Variants in C10orf88 observed in about 807,000 individuals in gnomAD.
C10orf88 encodes the protein chromosome 10 open reading frame 88, also known as ATPase PAAT.
Under a neutral mutation model 34.2 loss-of-function variants are expected in C10orf88, and 29 were observed. That is an observed-to-expected ratio of 0.85 (90% CI 0.63 to 1.16). The LOEUF (loss-of-function observed/expected upper bound fraction) is 1.16. C10orf88 is among the 50% of genes most tolerant of loss of function. The pLI is 0.00. For missense variants in C10orf88, 507 were observed against 533.2 expected, an observed-to-expected ratio of 0.95 and a Z score of 0.48; for synonymous variants, 194 against 197.4, an observed-to-expected ratio of 0.98 and a Z score of 0.15.
intron 3 of C10orf88, among the ~76,000 whole-genome samples, chr10:122,950,764 C>G (rs955815189): frequency 6.6e-6 from 1 of 152,164 alleles, no homozygotes; most frequent in African/African-American, 2.4e-5. Context: ...TAGTACCTGA[C>G]ATTAAGAGGC....
chr10:122,948,765 G>A lies in C10orf88; in HGVS notation c.532C>T (p.Pro178Ser), dbSNP rs1848663465. ...SVFANSSTSS[P>S]ALGSRIDLDK... ...AGGTCTATCCTTGATCCTAGAGCAGGAGAGCTTGTTGAAGAATTTGCAAAA... is the reference window on the plus strand; with the variant it reads ...AGGTCTATCCTTGATCCTAGAGCAGAAGAGCTTGTTGAAGAATTTGCAAAA... The change falls in exon 4 of 6, where the codon CCT (proline) becomes TCT (serine). Residue 178 changes from proline (P) to serine (S), a missense_variant. Coordinates refer to ENST00000481909, the MANE Select transcript of C10orf88 (RefSeq NM_024942.4). 6.2e-7 allele frequency: 1 copy of A among 1,613,944 alleles called. No homozygotes were observed. Among genetic ancestry groups the A allele is most frequent in the African/African-American group, 1.3e-5 (1 of 75,030 alleles).
chr10:122,948,925 T>C lies in C10orf88; in HGVS notation c.442-70A>G, dbSNP rs1279488833. ...ATAATCATTTAATGTAACTTCTTGG[T>C]ATGACCTAAACAAGAGTGAAGTATT... On this transcript the variant is annotated intron_variant, in intron 3 of 5. Coordinates refer to ENST00000481909, the MANE Select transcript of C10orf88 (RefSeq NM_024942.4). 1.5e-5 allele frequency: 21 copies of C among 1,368,832 alleles called. No homozygotes were observed. The East Asian group carries it at 2.6e-4, about 17-fold the overall frequency. The allele number at this position is 1,368,832 out of a possible 1,614,324, so 84.8% of individuals were successfully genotyped here. A position where few individuals can be genotyped will look rare whatever the true frequency, so the allele number is the denominator to read the frequency against.
intron 4 of C10orf88, among the ~76,000 whole-genome samples, chr10:122,938,452 A>C (rs540793534): frequency 6.6e-6 from 1 of 152,158 alleles, no homozygotes; most frequent in African/African-American, 2.4e-5. Context: ...AAATTAAATA[A>C]ATACTAGCAT....
chr10:122,941,106 T>C (rs1225489412), intron 4 of C10orf88, among the ~76,000 whole-genome samples: 1 of 152,102 alleles, frequency 6.6e-6, no homozygotes, highest in Non-Finnish European at 1.5e-5. Context: ...ATAAAGTCAT[T>C]TTTATTTTGA....
chr10:122,951,488 T>C (rs1011708734), intron 3 of C10orf88, among the ~76,000 whole-genome samples: 2 of 151,974 alleles, frequency 1.3e-5, no homozygotes, highest in African/African-American at 4.8e-5. Flanking sequence ...ATTATAAACA[T>C]GTACCACTGC....
At chr10:122,938,199 C>T (rs1440491524) in intron 4 of C10orf88, 40 bp from the exon 5 acceptor site, 2 of 1,467,684 alleles carry the variant, frequency 1.4e-6, no homozygotes, top group East Asian at 4.5e-5. Flanking sequence ...ATTAATAACA[C>T]TGACAGCTAA....
chr10:122,945,163 T>C (rs1307914825), intron 4 of C10orf88, among the ~76,000 whole-genome samples: 1 of 151,940 alleles, frequency 6.6e-6, no homozygotes, highest in African/African-American at 2.4e-5. Flanking sequence ...CATATGACAG[T>C]GGTCCCATAA....
chr10:122,952,967 A>C lies in C10orf88; in HGVS notation c.230T>G (p.Leu77Arg). The change falls in exon 2 of 6, where the codon CTG becomes CGG. Residue 77 changes from leucine to arginine, a missense_variant. Coordinates refer to ENST00000481909, the MANE Select transcript of C10orf88 (RefSeq NM_024942.4). ...TTCACCTCCATCAGGGCCACACCTC[A>C]GGTAAAGGAAGCAGGGGTTTTCATC... ...NKDENPCFLY[L>R]RCGPDGGEEI... is the part of the protein sequence containing the mutation. The C allele has an allele frequency of 6.2e-7, 1 of 1,614,202 alleles. No homozygotes were observed. Among genetic ancestry groups the C allele is most frequent in the Non-Finnish European group, 8.5e-7 (1 of 1,180,024 alleles).
At chr10:122,937,005 G>A (rs1295156060) in intron 5 of C10orf88, among the ~76,000 whole-genome samples, 1 of 151,864 alleles carries the variant, frequency 6.6e-6, no homozygotes, top group African/African-American at 2.4e-5. Context: ...TGGTGGTGGC[G>A]TTTAGTTACA....
chr10:122,935,463 A>G (rs1292613718), intron 5 of C10orf88, among the ~76,000 whole-genome samples: 1 of 152,018 alleles, frequency 6.6e-6, no homozygotes, highest in African/African-American at 2.4e-5. Flanking sequence ...GTACTTGTGC[A>G]GAGTTATTTC....
Position 122,937,829 on chromosome 10 carries a change from G to C in C10orf88, c.979C>G (p.Pro327Ala), listed in dbSNP as rs752802938. 1.2e-6 allele frequency: 2 copies of C among 1,612,970 alleles called. No homozygotes were observed. The highest frequency in any genetic ancestry group is 4.5e-5 in the East Asian group (2 of 44,878). Residue 327 changes from proline to alanine, a missense_variant, in exon 5 of 6, where the codon CCC (proline) becomes GCC (alanine). By Grantham distance (27) the Pro-to-Ala change is conservative. Transcript: ENST00000481909. ...PKKVSDNSNI[P>A]NSELLPFLQN... is the part of the protein sequence containing the mutation. The stretch of plus-strand genomic sequence containing the variant: ...AGAAAAGGCAGCAACTCGGAGTTGG[G>C]TATATTTGAGTTGTCACTTACTTTC...
At chr10:122,933,117 C>A (rs1404665656) in intron 5 of C10orf88, among the ~76,000 whole-genome samples, 1 of 152,080 alleles carries the variant, frequency 6.6e-6, no homozygotes, top group Non-Finnish European at 1.5e-5. Flanking sequence ...CAGAATTTAA[C>A]TAGAATGGGC....
In C10orf88 at chr10:122,954,028, G is replaced by A. The variant is rs1482793695; in HGVS notation, c.151C>T (p.Pro51Ser). The change falls in exon 1 of 6, where the codon CCG (proline) becomes TCG (serine). Residue 51 changes from proline (P) to serine (S), a missense_variant. Physicochemically the swap from Pro to Ser is moderately conservative, Grantham distance 74 (BLOSUM62 -1). Coordinates refer to ENST00000481909, the MANE Select transcript of C10orf88 (RefSeq NM_024942.4). ...GGCCCGGCGCACCCTGGAGCAGGCG[G>A]TGCCAGCAGCTCCTCCCAGTCGAAG... ...GDFDWEELLAPPAPGQDLVIL... is the reference protein window; with the variant it reads ...GDFDWEELLASPAPGQDLVIL... 5 of 1,527,620 alleles carry A rather than the reference G, an allele frequency of 3.3e-6. No individual in the cohort carries two copies. In the African/African-American group the frequency reaches 7.0e-5, roughly 21 times the overall value. 94.6% of individuals were successfully genotyped at this position (1,527,620 alleles called of 1,614,324 possible).
In C10orf88 at chr10:122,937,848, T is replaced by TA; in HGVS notation, c.959dup (p.Ser321LysfsTer2). On this transcript the variant is annotated frameshift_variant, in exon 5 of 6. Transcript: ENST00000481909. LOFTEE classifies it high-confidence loss of function. ...AGTTGGGTATATTTGAGTTGTCACT[T>TA]ACTTTCTTTGGTAAGAAAGAGGCCA... The TA allele has an allele frequency of 6.2e-7, 1 of 1,613,314 alleles. No homozygotes were observed.
At chr10:122,948,332 C>T (rs944215770) in intron 4 of C10orf88, among the ~76,000 whole-genome samples, 17 of 152,284 alleles carry the variant, frequency 1.1e-4, no homozygotes, top group Middle Eastern at 3.4e-3. Flanking sequence ...CACTTACATG[C>T]TCCAGAATGT....
intron 4 of C10orf88, among the ~76,000 whole-genome samples, chr10:122,948,363 G>C (rs1444614972): frequency 6.6e-6 from 1 of 152,036 alleles, no homozygotes. Context: ...AAAGACTACA[G>C]ATTAACTGAC....
At position 122,931,021 on chromosome 10, in the gene C10orf88, T is replaced by C. The variant is rs185098367; in HGVS notation, c.*1406A>G. 2 of 152,174 alleles carry C rather than the reference T, an allele frequency of 1.3e-5. No homozygotes were observed. The highest frequency in any genetic ancestry group is 4.8e-5 in the African/African-American group (2 of 41,444). The allele number at this position is 152,174 out of a possible 1,614,324, so 9.4% of individuals were successfully genotyped here. ...GGGGGTTAAAATATAATTTTTCTAA[T>C]AAAGGTGTTTCACATTCAAGCAAAG... On this transcript the variant is annotated 3_prime_UTR_variant, in exon 6 of 6. Transcript: ENST00000481909.
chr10:122,943,861 A>G (rs1452363155), intron 4 of C10orf88, among the ~76,000 whole-genome samples: 3 of 152,246 alleles, frequency 2.0e-5, no homozygotes, highest in Non-Finnish European at 4.4e-5. Flanking sequence ...CAATCATTAA[A>G]AAGTCAGGAA....
rs1164205209 is a variant in C10orf88 at position 122,938,010 on chromosome 10, C to T, written c.798G>A (p.Gly266=). The change falls in exon 5 of 6, where the codon GGG becomes GGA. Residue 266 remains glycine, a synonymous_variant. Coordinates refer to ENST00000481909, the MANE Select transcript of C10orf88 (RefSeq NM_024942.4). ...AAGTTTGTAAGTTTTCAGTCACGTT[C>T]CCAGATGTCAATCCAGTTCTAAAAG... is the stretch of plus-strand genomic sequence containing the variant. ...PFPFRTGLTS[G]NVTENLQTYI... 5 of 1,613,338 alleles carry T rather than the reference C, an allele frequency of 3.1e-6. No homozygotes were observed. The highest frequency in any genetic ancestry group is 4.2e-6 in the Non-Finnish European group (5 of 1,179,516).
Sources: allele counts gnomAD v4.1 joint callset (sites outside exome capture counted in the v4.1 genomes callset), GRCh38; gene constraint gnomAD v4.1.1; transcripts MANE v1.5; gene names NCBI Gene and HGNC (gene_info 2026-07-23, HGNC 2026-07-21).